Variants in MDGA2 observed in about 807,000 individuals in gnomAD.
The protein encoded by MDGA2 is MAM domain-containing glycosylphosphatidylinositol anchor protein 2.
MDGA2 carries 40 observed loss-of-function variants against 117.8 expected under a neutral mutation model. The observed-to-expected ratio is 0.34, with a 90% CI of 0.26 to 0.44. The LOEUF is 0.44. Among genes scored for constraint, MDGA2 ranks in the 20% least tolerant of loss-of-function variants. The probability of loss-of-function intolerance (pLI) is 1.00; values close to 1 mark genes in which losing one functional copy is unlikely to be tolerated. For synonymous variants in MDGA2, 452 were observed against 439.0 expected (o/e 1.03, Z -0.37); for missense variants, 1,123 against 1,250.6 (o/e 0.90, Z 1.54).
At chr14:46,892,477 T>C (rs1445856066) in intron 10 of MDGA2, among the ~76,000 whole-genome samples, 1 of 151,788 alleles carries the variant, frequency 6.6e-6, no homozygotes, top group African/African-American at 2.4e-5. Flanking sequence ...ACCAAAAGCA[T>C]AAGCAGCAAA....
chr14:47,659,819 C>T (rs893117570), intron 1 of MDGA2, among the ~76,000 whole-genome samples: 2 of 152,174 alleles, frequency 1.3e-5, no homozygotes, highest in Non-Finnish European at 2.9e-5. Context: ...ATCTATTAAA[C>T]TCTTATGAAC....
intron 1 of MDGA2, among the ~76,000 whole-genome samples, chr14:47,643,037 G>A (rs1249482253): frequency 6.6e-6 from 1 of 151,904 alleles, no homozygotes; most frequent in African/African-American, 2.4e-5. Flanking sequence ...AATATCACCT[G>A]GCAAATACTA....
At chr14:47,125,831 A>G (rs1881873896) in intron 5 of MDGA2, among the ~76,000 whole-genome samples, 1 of 151,946 alleles carries the variant, frequency 6.6e-6, no homozygotes, top group Admixed American at 6.6e-5. Flanking sequence ...ACTTCATCAT[A>G]ACCTCTCAAG....
intron 10 of MDGA2, among the ~76,000 whole-genome samples, chr14:46,904,320 C>T (rs903944935): frequency 1.3e-4 from 18 of 143,690 alleles, no homozygotes; most frequent in African/African-American, 1.8e-4. Flanking sequence ...TGCAGTGAGC[C>T]GAGATCATAC....
chr14:47,269,625 C>A (rs1323490944), intron 2 of MDGA2, among the ~76,000 whole-genome samples: 1 of 152,118 alleles, frequency 6.6e-6, no homozygotes, highest in Non-Finnish European at 1.5e-5. Context: ...ATCCTTGCTT[C>A]ATTAAAGTAT....
At chr14:47,286,240 C>T (rs1418270690) in intron 2 of MDGA2, among the ~76,000 whole-genome samples, 1 of 152,068 alleles carries the variant, frequency 6.6e-6, no homozygotes, top group Non-Finnish European at 1.5e-5. Flanking sequence ...CATTCCCAAT[C>T]TACGGTTTGA....
chr14:46,868,335 AT>A (rs1309753942), intron 14 of MDGA2, among the ~76,000 whole-genome samples: 2 of 152,056 alleles, frequency 1.3e-5, no homozygotes, highest in East Asian at 1.9e-4. Context: ...ATATTTATTA[AT>A]TTTTTTGGGG....
At chr14:47,200,836 C>G in intron 3 of MDGA2, 1 of 814,442 alleles carries the variant, frequency 1.2e-6, no homozygotes, top group Non-Finnish European at 2.2e-6. Context: ...GAGCCACCAT[C>G]CATTTTTTCT....
intron 6 of MDGA2, among the ~76,000 whole-genome samples, chr14:47,069,635 G>A (rs984122067): frequency 2.0e-4 from 30 of 152,156 alleles, no homozygotes; most frequent in African/African-American, 2.9e-4. Context: ...TCATTTTGCC[G>A]TAATTAGAAG....
At chr14:47,149,282 T>G (rs1343928480) in intron 3 of MDGA2, among the ~76,000 whole-genome samples, 1 of 152,124 alleles carries the variant, frequency 6.6e-6, no homozygotes, top group Non-Finnish European at 1.5e-5. Context: ...AGAGTGAGAC[T>G]CTGTCTCAAA....
At chr14:47,194,894 T>A (rs182459460) in intron 3 of MDGA2, among the ~76,000 whole-genome samples, 1 of 152,210 alleles carries the variant, frequency 6.6e-6, no homozygotes, top group East Asian at 1.9e-4. Context: ...CATAGCCATT[T>A]AGCTATAAAA....
intron 1 of MDGA2, among the ~76,000 whole-genome samples, chr14:47,548,047 T>C (rs1279995738): frequency 1.3e-5 from 2 of 152,190 alleles, no homozygotes; most frequent in Non-Finnish European, 2.9e-5. Flanking sequence ...TCTAAAACTA[T>C]ACTGTTGCCT....
intron 8 of MDGA2, among the ~76,000 whole-genome samples, chr14:46,988,749 A>G (rs556826732): frequency 1.3e-5 from 2 of 152,214 alleles, no homozygotes; most frequent in East Asian, 3.9e-4. Flanking sequence ...CTCAGGTAGA[A>G]TTGAAATTTG....
At chr14:47,188,150 A>C (rs1329247846) in intron 3 of MDGA2, among the ~76,000 whole-genome samples, 1 of 152,180 alleles carries the variant, frequency 6.6e-6, no homozygotes, top group Non-Finnish European at 1.5e-5. Flanking sequence ...CTCCTAAAAC[A>C]AAAACCCAAT....
intron 1 of MDGA2, among the ~76,000 whole-genome samples, chr14:47,572,915 A>G (rs977399622): frequency 6.6e-6 from 1 of 152,216 alleles, no homozygotes; most frequent in African/African-American, 2.4e-5. Flanking sequence ...TAGAATTTTA[A>G]TATAAATGCT....
chr14:47,035,349 G>T, intron 7 of MDGA2, 45 bp from the exon 8 acceptor site: 3 of 1,467,652 alleles, frequency 2.0e-6, no homozygotes, highest in Non-Finnish European at 2.8e-6. Context: ...GTATAAACTG[G>T]TAAAGCATAT....
chr14:47,547,900 C>T (rs527472510), intron 1 of MDGA2, among the ~76,000 whole-genome samples: 2 of 152,282 alleles, frequency 1.3e-5, no homozygotes, highest in Non-Finnish European at 2.9e-5. Flanking sequence ...TCTTAACCAT[C>T]TAGTTAAAAT....
At chr14:47,484,015 TA>T (rs1420923856) in intron 1 of MDGA2, among the ~76,000 whole-genome samples, 1 of 152,194 alleles carries the variant, frequency 6.6e-6, no homozygotes, top group Non-Finnish European at 1.5e-5. Context: ...TTCATAGTTT[TA>T]AAAATAAGTT....
At chr14:46,888,927 G>C (rs543860695) in intron 10 of MDGA2, among the ~76,000 whole-genome samples, 18 of 151,940 alleles carry the variant, frequency 1.2e-4, no homozygotes, top group Admixed American at 1.1e-3. Context: ...CAACCATACT[G>C]ATAGTAAAAA....
Sources: gnomAD v4.1 joint callset for allele counts (sites outside exome capture counted in the v4.1 genomes callset) on GRCh38, gnomAD v4.1.1 for gene constraint, MANE v1.5 for transcripts, NCBI Gene and HGNC (gene_info 2026-07-23, HGNC 2026-07-21) for gene names.